The following PRKD2 variants were observed in gnomAD, a reference collection of about 807,000 sequenced individuals.
The protein encoded by PRKD2 is serine/threonine-protein kinase D2.
In PRKD2, 22 loss-of-function variants were observed where a neutral mutation model predicts 86.0. That is an observed-to-expected ratio of 0.26 (90% CI 0.18 to 0.37). The LOEUF (loss-of-function observed/expected upper bound fraction) is 0.37. Among genes scored for constraint, PRKD2 ranks in the 10% least tolerant of loss-of-function variants. PRKD2 has a pLI of 1.00. For synonymous variants in PRKD2, 509 were observed against 510.9 expected (o/e 1.00, Z 0.05); for missense variants, 818 against 1,199.2 (o/e 0.68, Z 4.70).
At chr19:46,680,156 G>A (rs1210277050) in intron 15 of PRKD2, among the ~76,000 whole-genome samples, 1 of 152,016 alleles carries the variant, frequency 6.6e-6, no homozygotes, top group African/African-American at 2.4e-5. Context: ...AACCAGCCAC[G>A]CCTCAACCCC....
intron 9 of PRKD2, among the ~76,000 whole-genome samples, chr19:46,696,193 C>T (rs554702526): frequency 7.9e-5 from 12 of 152,250 alleles, no homozygotes; most frequent in African/African-American, 2.6e-4. Flanking sequence ...TGATAAGGAA[C>T]CAGCCATGGA....
At position 46,682,193 on chromosome 19, in the gene PRKD2, A is replaced by C. The variant is rs560538724; in HGVS notation, c.1972-445T>G. Among the ~76,000 whole-genome samples the C allele has an allele frequency of 3.9e-3, 597 of 152,066 alleles. 2 individuals carry two copies. The highest frequency in any genetic ancestry group is 6.9e-3 in the Non-Finnish European group (470 of 67,992). ...AGCTAATTTTTTCTATTTTTAGTAG[A>C]GATGGGGTTTCACCATGTTGGCCAG... On this transcript the variant is annotated intron_variant, in intron 14 of 17. Transcript: ENST00000291281.
At position 46,697,840 on chromosome 19, in the gene PRKD2, A is replaced by ACC; in HGVS notation, c.1130_1131dup (p.Tyr378GlyfsTer5). On this transcript the variant is annotated frameshift_variant, in exon 8 of 18. Transcript: ENST00000291281. LOFTEE classifies it high-confidence loss of function. ...TGCACCACCCTCATTAGGGGGATGT[A>ACC]CCCCAGGGAGCTGCGAAGGAAGAGG... The ACC allele has an allele frequency of 6.2e-7, 1 of 1,613,316 alleles. No individual in the cohort carries two copies. Among genetic ancestry groups the ACC allele is most frequent in the Non-Finnish European group, 8.5e-7 (1 of 1,179,422 alleles).
Position 46,678,288 on chromosome 19 carries a change from C to T in PRKD2, c.2338+108G>A. 2.0e-6 allele frequency: 3 copies of T among 1,486,334 alleles called. No individual in the cohort carries two copies. Among genetic ancestry groups the T allele is most frequent in the South Asian group, 1.3e-5 (1 of 76,106 alleles). 92.1% of individuals were successfully genotyped at this position (1,486,334 alleles called of 1,614,324 possible). A position where few individuals can be genotyped will look rare whatever the true frequency, so the allele number is the denominator to read the frequency against. On this transcript the variant is annotated intron_variant, in intron 16 of 17. Coordinates refer to ENST00000291281, the MANE Select transcript of PRKD2 (RefSeq NM_016457.5). The surrounding 1 kb of genome is among the most constrained non-coding windows in gnomAD (Gnocchi z 5.7). ...CCCGCCCCAGCACTGGGCTCCACCC[C>T]CAAGGTGCCAGGCTGTTTCCGGGTC... is the stretch of plus-strand genomic sequence containing the variant.
At chr19:46,690,514 C>A (rs2053468045) in intron 13 of PRKD2, 86 bp downstream of exon 13, 3 of 1,227,032 alleles carry the variant, frequency 2.4e-6, no homozygotes, top group East Asian at 4.7e-5. Context: ...TGCCCTCCCC[C>A]AGGAAGCCTT....
intron 16 of PRKD2, among the ~76,000 whole-genome samples, chr19:46,675,404 T>C (rs2053184293): frequency 6.6e-6 from 1 of 152,200 alleles, no homozygotes; most frequent in Non-Finnish European, 1.5e-5. Context: ...TTTTGTCATA[T>C]ACAGGTACAT....
rs968027519 is a variant in PRKD2 at position 46,686,678 on chromosome 19, G to A, written c.1971+2859C>T. On this transcript the variant is annotated intron_variant, in intron 14 of 17. Coordinates refer to ENST00000291281, the MANE Select transcript of PRKD2 (RefSeq NM_016457.5). ...AAAAAAAAAATAAAATAGGCCAGGCGCGGTGGCTCACACCTGTAATCCCAG... is the reference window on the plus strand; with the variant it reads ...AAAAAAAAAATAAAATAGGCCAGGCACGGTGGCTCACACCTGTAATCCCAG... 1.6e-4 allele frequency among the ~76,000 whole-genome samples: 24 copies of A among 149,976 alleles called. 1 individual carries two copies. The highest frequency in any genetic ancestry group is 3.6e-3 in the Middle Eastern group (1 of 280).
chr19:46,688,481 G>A (rs1270509373), intron 14 of PRKD2, among the ~76,000 whole-genome samples: 1 of 148,548 alleles, frequency 6.7e-6, no homozygotes, highest in African/African-American at 2.5e-5. Context: ...TTGTCCCCCA[G>A]GCTGGAGTAC....
At position 46,716,425 on chromosome 19, in the gene PRKD2, C is replaced by A. The variant is rs528137098; in HGVS notation, c.-55G>T. On this transcript the variant is annotated 5_prime_UTR_variant, in exon 1 of 18. Transcript: ENST00000291281. This position sits in a 1 kb window ranked among gnomAD's most constrained non-coding sequence, Gnocchi z 7.9. ...GCCCACCCGGGACCCGGCCGGGGGG[C>A]CCCGGGGGACCCTGGGTTCTAGATC... 7 of 1,121,514 alleles carry A rather than the reference C, an allele frequency of 6.2e-6. No individual in the cohort carries two copies. Among genetic ancestry groups the A allele is most frequent in the Non-Finnish European group, 7.2e-6 (6 of 832,282 alleles). The allele number at this position is 1,121,514 out of a possible 1,614,324, so 69.5% of individuals were successfully genotyped here.
intron 2 of PRKD2, among the ~76,000 whole-genome samples, chr19:46,712,067 A>T (rs999451890): frequency 2.0e-5 from 3 of 148,042 alleles, no homozygotes; most frequent in African/African-American, 7.6e-5. Flanking sequence ...GATTCTGTCT[A>T]AAAAAAAGAA....
chr19:46,683,787 A>C (rs1568716869), intron 14 of PRKD2, among the ~76,000 whole-genome samples: 1 of 152,172 alleles, frequency 6.6e-6, no homozygotes, highest in Non-Finnish European at 1.5e-5. Flanking sequence ...TGCATGTAAA[A>C]CGCTTAGGAT....
chr19:46,689,463 C>A (rs1175857785), intron 14 of PRKD2, 74 bp downstream of exon 14: 5 of 1,497,402 alleles, frequency 3.3e-6, no homozygotes, highest in East Asian at 4.9e-5. Context: ...TGCTTGACCC[C>A]CTAGGCATAC....
chr19:46,674,764 G>A (rs1013245663), intron 17 of PRKD2, 29 bp from the exon 18 acceptor site: 1 of 1,592,318 alleles, frequency 6.3e-7, no homozygotes, highest in African/African-American at 1.3e-5. Flanking sequence ...GGGTTAGCTT[G>A]GGGTCTGCAT....
At chr19:46,686,481 TAAAA>T (rs34228000) in intron 14 of PRKD2, among the ~76,000 whole-genome samples, 9 of 134,286 alleles carry the variant, frequency 6.7e-5, no homozygotes, top group Admixed American at 2.3e-4. Flanking sequence ...ACAAAAACAT[TAAAA>T]AAAAAAAAAA....
chr19:46,689,402 C>T (rs552881573), intron 14 of PRKD2, 135 bp downstream of exon 14: 62 of 1,127,796 alleles, frequency 5.5e-5, no homozygotes, highest in African/African-American at 5.1e-4. Context: ...GCCACTGCGC[C>T]CAGCCTGATG....
At chr19:46,691,693 C>T (rs375460514) in intron 12 of PRKD2, 42 bp downstream of exon 12, 96 of 1,600,892 alleles carry the variant, frequency 6.0e-5, no homozygotes, top group Middle Eastern at 2.3e-4. Context: ...CAGCTTCCCC[C>T]AGCCCGGGGC....
chr19:46,697,258 C>A (rs775950630), intron 8 of PRKD2, 24 bp from the exon 9 acceptor site: 2 of 1,533,172 alleles, frequency 1.3e-6, no homozygotes, highest in Non-Finnish European at 1.8e-6. Flanking sequence ...TGAAGAGTCA[C>A]GTGAACCGCC....
chr19:46,697,892 G>A (rs1172540094), intron 7 of PRKD2, 42 bp from the exon 8 acceptor site: 2 of 1,491,152 alleles, frequency 1.3e-6, no homozygotes, highest in African/African-American at 2.8e-5. Flanking sequence ...CATGCAGAAA[G>A]TGACCATGCT....
chr19:46,715,999 C>A, intron 1 of PRKD2, 132 bp downstream of exon 1: 1 of 1,361,346 alleles, frequency 7.3e-7, no homozygotes. Context: ...GGGGCAATGC[C>A]CCCTATCCCT....
Sources: gnomAD v4.1 joint callset for allele counts (sites outside exome capture counted in the v4.1 genomes callset) on GRCh38, gnomAD v4.1.1 for gene constraint, Gnocchi (gnomAD v3.1) non-coding constraint, MANE v1.5 for transcripts, NCBI Gene and HGNC (gene_info 2026-07-23, HGNC 2026-07-21) for gene names.